LCK: variants seen among roughly 807,000 people sequenced by gnomAD.
LCK encodes LCK proto-oncogene, Src family tyrosine kinase.
Under a neutral mutation model 64.6 loss-of-function variants are expected in LCK, and 14 were observed. The ratio of observed to expected loss-of-function variants is 0.22; its 90% CI spans 0.14 to 0.34. The LOEUF (loss-of-function observed/expected upper bound fraction) is 0.34, where lower values mean the gene tolerates loss of function less well. Among genes scored for constraint, LCK ranks in the 10% least tolerant of loss-of-function variants. LCK has a pLI of 1.00. For missense variants in LCK, 434 were observed against 668.1 expected, an observed-to-expected ratio of 0.65 and a Z score of 3.86; for synonymous variants, 277 against 263.6, an observed-to-expected ratio of 1.05 and a Z score of -0.49.
chr1:32,255,796 A>ATTTTTTTT (rs1363275909), intron 1 of LCK, among the ~76,000 whole-genome samples: 4 of 142,652 alleles, frequency 2.8e-5, no homozygotes, highest in African/African-American at 1.1e-4. Context: ...TACCCATTAA[A>ATTTTTTTT]TTTATTTTTT....
chr1:32,273,398 G>T (rs890886230), intron 1 of LCK, among the ~76,000 whole-genome samples: 5 of 151,366 alleles, frequency 3.3e-5, no homozygotes, highest in Non-Finnish European at 5.9e-5. Context: ...TGTATAGGGT[G>T]TGTGTGAGTG....
chr1:32,255,606 G>A (rs1216281428), intron 1 of LCK, among the ~76,000 whole-genome samples: 4 of 152,134 alleles, frequency 2.6e-5, no homozygotes, highest in Non-Finnish European at 4.4e-5. Flanking sequence ...GTTGTCGGCA[G>A]TCACAGATAT....
intron 12 of LCK, among the ~76,000 whole-genome samples, chr1:32,280,695 T>C (rs574668128): frequency 6.6e-6 from 1 of 152,196 alleles, no homozygotes; most frequent in African/African-American, 2.4e-5. Context: ...GACCTCGTGA[T>C]TGGCCTGCCT....
In LCK at chr1:32,285,945, T is replaced by C. The variant is rs879228471; in HGVS notation, c.*229T>C. 3.6e-6 allele frequency: 2 copies of C among 556,464 alleles called. No homozygotes were observed. The highest frequency in any genetic ancestry group is 4.7e-5 in the South Asian group (2 of 42,944). 34.5% of individuals were successfully genotyped at this position (556,464 alleles called of 1,614,324 possible). On this transcript the variant is annotated 3_prime_UTR_variant, in exon 13 of 13. Transcript: ENST00000336890. ...CTGTGCATGTATGTCTTGGACACTG[T>C]ACAAGGTACCCCTTTCTGGCTCTCC...
At chr1:32,274,540 C>T (rs1640195792) in intron 2 of LCK, 106 bp downstream of exon 2, 3 of 1,012,218 alleles carry the variant, frequency 3.0e-6, no homozygotes, top group South Asian at 3.2e-5. Flanking sequence ...GAGTGGCCCT[C>T]TCCCCTGAAA....
At chr1:32,284,255 T>C (rs1254727603) in intron 12 of LCK, among the ~76,000 whole-genome samples, 1 of 148,564 alleles carries the variant, frequency 6.7e-6, no homozygotes, top group Non-Finnish European at 1.5e-5. Context: ...TTCTGTGATA[T>C]ATATATATAT....
intron 1 of LCK, among the ~76,000 whole-genome samples, chr1:32,264,170 G>A (rs535889316): frequency 5.9e-5 from 9 of 152,210 alleles, no homozygotes; most frequent in Admixed American, 1.3e-4. Flanking sequence ...ACCCAGAAAC[G>A]TGCATTCCAG....
chr1:32,285,608 G>A lies in LCK; in HGVS notation c.1422G>A (p.Arg474=). 1.9e-6 allele frequency: 3 copies of A among 1,614,230 alleles called. No individual in the cohort carries two copies. Among genetic ancestry groups the A allele is most frequent in the Non-Finnish European group, 2.5e-6 (3 of 1,180,042 alleles). Residue 474 remains arginine (R), a synonymous_variant, in exon 13 of 13, where the codon AGG becomes AGA. Transcript: ENST00000336890. ...NCPEELYQLM[R]LCWKERPEDR... is the part of the protein sequence containing the mutation. ...CAGAGGAGCTGTACCAACTCATGAGGCTGTGCTGGAAGGAGCGCCCAGAGG... is the reference window on the plus strand; with the variant it reads ...CAGAGGAGCTGTACCAACTCATGAGACTGTGCTGGAAGGAGCGCCCAGAGG...
chr1:32,275,391 G>T lies in LCK; in HGVS notation c.349G>T (p.Ala117Ser). 1 of 1,614,158 alleles carries T rather than the reference G, an allele frequency of 6.2e-7. No individual in the cohort carries two copies. The highest frequency in any genetic ancestry group is 8.5e-7 in the Non-Finnish European group (1 of 1,180,016). Residue 117 changes from alanine to serine, a missense_variant, in exon 5 of 13, where the codon GCC (alanine) becomes TCC (serine). By Grantham distance (99) the Ala-to-Ser change is moderately conservative (BLOSUM62 1). Transcript: ENST00000336890. This position sits in a 1 kb window ranked among gnomAD's most constrained non-coding sequence, Gnocchi z 6.9. ...AGGCTTCATCCCCTTCAATTTTGTG[G>T]CCAAAGCGAACAGCCTGGAGCCCGA... Reference protein sequence around the residue: ...QEGFIPFNFVAKANSLEPEPW... With the variant: ...QEGFIPFNFVSKANSLEPEPW...
At chr1:32,277,260 G>A (rs1640310752) in intron 9 of LCK, 1 of 146,966 alleles carries the variant, frequency 6.8e-6, no homozygotes, top group Admixed American at 6.8e-5. Context: ...TGAGAAAAAG[G>A]TGTATCCTCT....
At chr1:32,270,364 A>T (rs1318561103) in intron 1 of LCK, among the ~76,000 whole-genome samples, 1 of 148,050 alleles carries the variant, frequency 6.8e-6, no homozygotes, top group African/African-American at 2.5e-5. Flanking sequence ...TTGGCCTCCC[A>T]AAGTGCTGGG....
At chr1:32,274,270 G>A (rs1376659267) in intron 1 of LCK, 55 bp from the exon 2 acceptor site, 1 of 1,613,020 alleles carries the variant, frequency 6.2e-7, no homozygotes, top group Non-Finnish European at 8.5e-7. Flanking sequence ...TATATCTGAT[G>A]TTGGGGGAGC....
Position 32,276,893 on chromosome 1 carries a change from G to T in LCK, c.964+107G>T. 8.1e-7 allele frequency: 1 copy of T among 1,228,072 alleles called. No homozygotes were observed. Among genetic ancestry groups the T allele is most frequent in the South Asian group, 1.6e-5 (1 of 61,360 alleles). The allele number at this position is 1,228,072 out of a possible 1,614,324, so 76.1% of individuals were successfully genotyped here. A position where few individuals can be genotyped will look rare whatever the true frequency, so the allele number is the denominator to read the frequency against. Reference sequence around the variant, plus strand: ...CTGGCCCAAAGCTCAAGCAAGGAGGGTTTCTTGAGCTTTCCTGCCCCCTGG... The same window carrying T: ...CTGGCCCAAAGCTCAAGCAAGGAGGTTTTCTTGAGCTTTCCTGCCCCCTGG... On this transcript the variant is annotated intron_variant, in intron 9 of 12. Transcript: ENST00000336890. The surrounding 1 kb of genome is among the most constrained non-coding windows in gnomAD (Gnocchi z 4.6).
In LCK at chr1:32,279,733, G is replaced by A; in HGVS notation, c.1027G>A (p.Asp343Asn). 6.2e-7 allele frequency: 1 copy of A among 1,612,570 alleles called. No homozygotes were observed. The highest frequency in any genetic ancestry group is 1.7e-5 in the Admixed American group (1 of 59,978). Residue 343 changes from aspartate (D) to asparagine (N), a missense_variant, in exon 10 of 13, where the codon GAC becomes AAC. Around this residue, in one of 2 missense-constraint regions of LCK, gnomAD observed 201 missense variants for 376.9 expected, o/e 0.53. Coordinates refer to ENST00000336890, the MANE Select transcript of LCK (RefSeq NM_005356.5). ...GIKLTINKLL[D>N]MAAQIAEGMA... ...CAAGTTGACCATCAACAAACTCCTG[G>A]ACATGGCAGCCCAAGTAAGGAGACT...
At chr1:32,267,266 G>T (rs999078410) in intron 1 of LCK, among the ~76,000 whole-genome samples, 1 of 152,084 alleles carries the variant, frequency 6.6e-6, no homozygotes. Context: ...TAACAGTAGG[G>T]GAAAGAGTGA....
chr1:32,284,177 A>G (rs1640545506), intron 12 of LCK, among the ~76,000 whole-genome samples: 1 of 150,172 alleles, frequency 6.7e-6, no homozygotes, highest in African/African-American at 2.4e-5. Context: ...GCCACCGCAG[A>G]TGGCCTCAGG....
Position 32,275,999 on chromosome 1 carries a change from T to C in LCK, c.567T>C (p.Gly189=). Residue 189 remains glycine, a synonymous_variant, in exon 7 of 13, where the codon GGT becomes GGC. Coordinates refer to ENST00000336890, the MANE Select transcript of LCK (RefSeq NM_005356.5). The surrounding 1 kb of genome is among the most constrained non-coding windows in gnomAD (Gnocchi z 6.9). ...ACAAGATCCGTAATCTGGACAACGGTGGCTTCTACATCTCCCCTCGAATCA... is the reference window on the plus strand; with the variant it reads ...ACAAGATCCGTAATCTGGACAACGGCGGCTTCTACATCTCCCCTCGAATCA... ...KHYKIRNLDN[G]GFYISPRITF... 1 of 1,614,002 alleles carries C rather than the reference T, an allele frequency of 6.2e-7. No homozygotes were observed. Among genetic ancestry groups the C allele is most frequent in the African/African-American group, 1.3e-5 (1 of 74,972 alleles).
rs745802797 is a variant in LCK, at chr1:32,275,402, C to T, written c.360C>T (p.Asn120=). The change falls in exon 5 of 13, where the codon AAC becomes AAT. Residue 120 remains asparagine (N), a synonymous_variant. Transcript: ENST00000336890. This position sits in a 1 kb window ranked among gnomAD's most constrained non-coding sequence, Gnocchi z 6.9. ...FIPFNFVAKA[N]SLEPEPWFFK... is the part of the protein sequence containing the mutation. The stretch of plus-strand genomic sequence containing the variant: ...CCTTCAATTTTGTGGCCAAAGCGAA[C>T]AGCCTGGAGCCCGAACCGTAAGTGG... 1.2e-5 allele frequency: 20 copies of T among 1,614,040 alleles called. No homozygotes were observed. In the African/African-American group the frequency reaches 2.3e-4, roughly 18 times the overall value.
intron 9 of LCK, among the ~76,000 whole-genome samples, chr1:32,277,819 C>T (rs1213393669): frequency 2.0e-5 from 3 of 152,050 alleles, no homozygotes; most frequent in African/African-American, 4.8e-5. Context: ...TATAATAACG[C>T]GTTAGTAACT....
Sources: allele counts gnomAD v4.1 joint callset (sites outside exome capture counted in the v4.1 genomes callset), GRCh38; gene constraint gnomAD v4.1.1; regional missense constraint gnomAD v4.1.1; non-coding constraint Gnocchi (gnomAD v3.1); transcripts MANE v1.5; gene names NCBI Gene and HGNC (gene_info 2026-07-23, HGNC 2026-07-21).